Variants in ADAMTS9 observed in about 807,000 individuals in gnomAD.
ADAMTS9 encodes A disintegrin and metalloproteinase with thrombospondin motifs 9.
Under a neutral mutation model 257.1 loss-of-function variants are expected in ADAMTS9, and 107 were observed. The ratio of observed to expected loss-of-function variants is 0.42; its 90% CI spans 0.36 to 0.49. The LOEUF is 0.49. ADAMTS9 is among the 20% of genes least tolerant of loss of function. The pLI is 0.03. For synonymous variants in ADAMTS9, 982 were observed against 880.9 expected (o/e 1.11, Z -2.03); for missense variants, 2,353 against 2,469.1 (o/e 0.95, Z 1.00).
chr3:64,517,841 T>C (rs2082800217), intron 39 of ADAMTS9, among the ~76,000 whole-genome samples: 1 of 152,146 alleles, frequency 6.6e-6, no homozygotes, highest in Admixed American at 6.5e-5. Context: ...TGCTGATTTT[T>C]CCATGCCTCC....
At chr3:64,659,356 T>C (rs773788494) in intron 3 of ADAMTS9, among the ~76,000 whole-genome samples, 2 of 151,350 alleles carry the variant, frequency 1.3e-5, no homozygotes, top group Non-Finnish European at 2.9e-5. Context: ...TAATCCCAAC[T>C]ACTCAGGAGG....
chr3:64,606,690 T>C (rs2084561810), intron 23 of ADAMTS9, among the ~76,000 whole-genome samples: 1 of 152,004 alleles, frequency 6.6e-6, no homozygotes, highest in African/African-American at 2.4e-5. Flanking sequence ...GAAATATGAG[T>C]TTAAGAAAAT....
intron 39 of ADAMTS9, among the ~76,000 whole-genome samples, chr3:64,517,827 T>C (rs1451312150): frequency 2.0e-5 from 3 of 152,160 alleles, no homozygotes; most frequent in African/African-American, 7.2e-5. Flanking sequence ...CTCTAGTGGA[T>C]ACCTGCTGAT....
chr3:64,662,300 G>A (rs771557600), intron 3 of ADAMTS9, among the ~76,000 whole-genome samples: 28 of 151,914 alleles, frequency 1.8e-4, no homozygotes, highest in East Asian at 5.8e-4. Context: ...CCTTTTAAAC[G>A]TATTGAAATT....
chr3:64,668,635 G>A (rs934059936), intron 3 of ADAMTS9, among the ~76,000 whole-genome samples: 1 of 152,184 alleles, frequency 6.6e-6, no homozygotes, highest in Non-Finnish European at 1.5e-5. Flanking sequence ...TGTCGGAACA[G>A]GGCCTGGTGG....
In ADAMTS9 at chr3:64,596,814, G is replaced by T. The variant is rs760167452; in HGVS notation, c.4179+16C>A. 2 of 1,613,602 alleles carry T rather than the reference G, an allele frequency of 1.2e-6. No individual in the cohort carries two copies. Among genetic ancestry groups the T allele is most frequent in the African/African-American group, 1.3e-5 (1 of 74,966 alleles). On this transcript the variant is annotated intron_variant, in intron 27 of 39. Transcript: ENST00000498707. The stretch of plus-strand genomic sequence containing the variant: ...CACAATTCCTCTGTATTTATAGACG[G>T]ATAGTTCACTCTCACCTCTCCCCAG...
chr3:64,567,837 C>T (rs1308760811), intron 29 of ADAMTS9, among the ~76,000 whole-genome samples: 4 of 151,954 alleles, frequency 2.6e-5, no homozygotes, highest in African/African-American at 9.7e-5. Context: ...GTGTAGTAGG[C>T]TCAGGAAAAT....
intron 28 of ADAMTS9, among the ~76,000 whole-genome samples, chr3:64,585,456 G>C (rs1449133842): frequency 1.3e-5 from 2 of 151,774 alleles, no homozygotes; most frequent in Non-Finnish European, 2.9e-5. Flanking sequence ...GCTAAAAGAA[G>C]AGTTCAGCTC....
At chr3:64,627,813 A>C (rs1462779127) in intron 16 of ADAMTS9, among the ~76,000 whole-genome samples, 2 of 152,046 alleles carry the variant, frequency 1.3e-5, no homozygotes, top group African/African-American at 4.8e-5. Context: ...GCTGACACTG[A>C]AAAAAAACAT....
intron 38 of ADAMTS9, among the ~76,000 whole-genome samples, chr3:64,530,526 TAAAAAA>T (rs55726329): frequency 8.6e-6 from 1 of 116,606 alleles, no homozygotes; most frequent in African/African-American, 3.2e-5. Context: ...CACCAAGATT[TAAAAAA>T]AAAAAAAAAA....
chr3:64,579,533 C>T (rs1388951021), intron 28 of ADAMTS9, among the ~76,000 whole-genome samples: 1 of 152,032 alleles, frequency 6.6e-6, no homozygotes, highest in Non-Finnish European at 1.5e-5. Context: ...CTTGTCTCCA[C>T]TCTCCACTAG....
intron 22 of ADAMTS9, among the ~76,000 whole-genome samples, chr3:64,611,075 CAAAAAA>C (rs34998404): frequency 2.8e-5 from 2 of 72,152 alleles, no homozygotes; most frequent in African/African-American, 1.0e-4. Flanking sequence ...GACTCTGTCT[CAAAAAA>C]AAAAAAAAAA....
At chr3:64,636,706 T>C (rs1700506405) in intron 12 of ADAMTS9, among the ~76,000 whole-genome samples, 1 of 152,212 alleles carries the variant, frequency 6.6e-6, no homozygotes, top group Non-Finnish European at 1.5e-5. Flanking sequence ...TTGGGACACA[T>C]GTGAACTATG....
chr3:64,565,515 C>T (rs1198043774), intron 29 of ADAMTS9: 1 of 152,234 alleles, frequency 6.6e-6, no homozygotes, highest in African/African-American at 2.4e-5. Flanking sequence ...CATCTCAGAA[C>T]TGATGAATGA....
intron 3 of ADAMTS9, among the ~76,000 whole-genome samples, chr3:64,673,510 G>A (rs1016756088): frequency 2.0e-5 from 3 of 152,160 alleles, no homozygotes; most frequent in East Asian, 1.9e-4. Flanking sequence ...TAACAACAGC[G>A]ATGACGACAA....
intron 28 of ADAMTS9, among the ~76,000 whole-genome samples, chr3:64,573,315 T>C (rs1411864583): frequency 6.6e-6 from 1 of 152,102 alleles, no homozygotes; most frequent in Non-Finnish European, 1.5e-5. Context: ...TCTGTATACA[T>C]GAAATATGAA....
chr3:64,658,396 G>T, intron 4 of ADAMTS9, 106 bp downstream of exon 4: 2 of 1,199,962 alleles, frequency 1.7e-6, no homozygotes, highest in Non-Finnish European at 2.3e-6. Context: ...TGCCTGAATG[G>T]CTGAAATGCC....
intron 19 of ADAMTS9, among the ~76,000 whole-genome samples, chr3:64,618,271 T>C (rs1258711357): frequency 6.6e-6 from 1 of 152,206 alleles, no homozygotes; most frequent in Non-Finnish European, 1.5e-5. Flanking sequence ...ACCTTTTCTT[T>C]AATTAGAGGT....
chr3:64,533,330 A>C lies in ADAMTS9; in HGVS notation c.5614-60T>G. 5 of 1,322,026 alleles carry C rather than the reference A, an allele frequency of 3.8e-6. 1 individual carries two copies. In the South Asian group the frequency reaches 6.0e-5, roughly 16 times the overall value. The allele number at this position is 1,322,026 out of a possible 1,614,324, so 81.9% of individuals were successfully genotyped here. ...CCATGTGATGTCCTCAAAAAAGCAA[A>C]GGCAAAGGTGATACAATAAAAGGTA... On this transcript the variant is annotated intron_variant, in intron 37 of 39. Coordinates refer to ENST00000498707, the MANE Select transcript of ADAMTS9 (RefSeq NM_182920.2).
Sources: gnomAD v4.1 joint callset for allele counts (sites outside exome capture counted in the v4.1 genomes callset) on GRCh38, gnomAD v4.1.1 for gene constraint, MANE v1.5 for transcripts, NCBI Gene and HGNC (gene_info 2026-07-23, HGNC 2026-07-21) for gene names.